Variants in SGSM1 observed in about 807,000 individuals in gnomAD.
SGSM1 encodes the protein small G protein signaling modulator 1.
SGSM1 carries 73 observed loss-of-function variants against 133.8 expected under a neutral mutation model. The observed-to-expected ratio is 0.55, with a 90% CI of 0.45 to 0.66. SGSM1 has a LOEUF of 0.66. Ranked by LOEUF, SGSM1 falls within the 30% of genes least tolerant of loss-of-function variation. SGSM1 has a pLI of 0.00. For synonymous variants in SGSM1, 563 were observed against 573.0 expected (o/e 0.98, Z 0.25); for missense variants, 1,213 against 1,448.1 (o/e 0.84, Z 2.64).
At chr22:24,876,795 C>T in intron 13 of SGSM1, 80 bp downstream of exon 13, 1 of 1,572,356 alleles carries the variant, frequency 6.4e-7, no homozygotes, top group Non-Finnish European at 8.7e-7. Context: ...TTACCCTGCA[C>T]TGAATTCAGA....
At chr22:24,825,175 G>T (rs138860260) in intron 2 of SGSM1, among the ~76,000 whole-genome samples, 12 of 152,180 alleles carry the variant, frequency 7.9e-5, no homozygotes, top group African/African-American at 2.4e-4. Context: ...CTGGCAGAAG[G>T]CACCATGTGA....
At chr22:24,913,126 C>G (rs1010466974) in intron 22 of SGSM1, among the ~76,000 whole-genome samples, 1 of 151,816 alleles carries the variant, frequency 6.6e-6, no homozygotes, top group East Asian at 1.9e-4. Flanking sequence ...CCCATCTCTA[C>G]TAAAAATACA....
chr22:24,822,389 G>A lies in SGSM1; in HGVS notation c.63+15905G>A, dbSNP rs528510788. Among the ~76,000 whole-genome samples the A allele has an allele frequency of 2.6e-5, 4 of 152,234 alleles. No homozygotes were observed. In the South Asian group the frequency reaches 6.2e-4, roughly 24 times the overall value. On this transcript the variant is annotated intron_variant, in intron 2 of 24. Coordinates refer to ENST00000400358, the MANE Select transcript of SGSM1 (RefSeq NM_001098497.3). ...TTACAGGCGTGAGCCACCGCGCCTG[G>A]TCTCATCTCTCTTTTCTTTCCAACC...
intron 12 of SGSM1, among the ~76,000 whole-genome samples, chr22:24,871,674 T>C (rs759540665): frequency 5.3e-5 from 8 of 152,174 alleles, no homozygotes; most frequent in Non-Finnish European, 1.0e-4. Context: ...ATTTGAACGC[T>C]GGGGGTCTGG....
intron 15 of SGSM1, among the ~76,000 whole-genome samples, chr22:24,885,819 C>G (rs9620452): frequency 0.066 from 9,965 of 151,746 alleles, 647 homozygotes; most frequent in African/African-American, 0.17. Flanking sequence ...CCCATTGATG[C>G]GCAGTTGGAG....
intron 14 of SGSM1, among the ~76,000 whole-genome samples, chr22:24,883,616 G>A (rs1033640689): frequency 6.6e-6 from 1 of 152,148 alleles, no homozygotes; most frequent in Non-Finnish European, 1.5e-5. Context: ...TTCCTTGTCT[G>A]GAAAAGGGGA....
rs760855002 is a variant in SGSM1 at position 24,924,202 on chromosome 22, C to T, written c.3210C>T (p.His1070=). The T allele has an allele frequency of 1.9e-6, 3 of 1,613,956 alleles. 1 individual carries two copies. In the South Asian group the frequency reaches 3.3e-5, roughly 18 times the overall value. Residue 1070 remains histidine, a synonymous_variant, in exon 25 of 25, where the codon CAC becomes CAT. Coordinates refer to ENST00000400358, the MANE Select transcript of SGSM1 (RefSeq NM_001098497.3). Reference sequence around the variant, plus strand: ...CTCTTTCAGAAATGGCTGAGCGACACAACACCAAGCAAGTCCTGAAGCTGG... The same window carrying T: ...CTCTTTCAGAAATGGCTGAGCGACATAACACCAAGCAAGTCCTGAAGCTGG... ...IKFFNEMAER[H]NTKQVLKLAR... is the part of the protein sequence containing the mutation.
chr22:24,810,335 A>C lies in SGSM1; in HGVS notation c.63+3851A>C, dbSNP rs533754038. On this transcript the variant is annotated intron_variant, in intron 2 of 24. Transcript: ENST00000400358. ...CGTTAGCCTGAGCTCCTCCAGGGCA[A>C]GCATCCTTTTTTTTTTTCCCTCTGT... Among the ~76,000 whole-genome samples, 7 of 151,790 alleles carry C rather than the reference A, an allele frequency of 4.6e-5. No homozygotes were observed. The South Asian group carries it at 1.0e-3, about 23-fold the overall frequency.
intron 5 of SGSM1, among the ~76,000 whole-genome samples, chr22:24,851,100 CAAAAAA>C (rs68153757): frequency 1.0e-5 from 1 of 95,780 alleles, no homozygotes; most frequent in African/African-American, 3.2e-5. Context: ...GACTCCATCT[CAAAAAA>C]AAAAAAAAAA....
rs1021352114 is a variant in SGSM1 at position 24,906,950 on chromosome 22, C to G, written c.2818+1763C>G. ...TGGGCAACAGAGTGAGACTCCATCT[C>G]AAAAAGTAAAATAAAAAATAAATAA... is the stretch of plus-strand genomic sequence containing the variant. On this transcript the variant is annotated intron_variant, in intron 21 of 24. Coordinates refer to ENST00000400358, the MANE Select transcript of SGSM1 (RefSeq NM_001098497.3). Among the ~76,000 whole-genome samples the G allele has an allele frequency of 2.0e-5, 3 of 147,602 alleles. No homozygotes were observed. The Admixed American group carries it at 2.1e-4, about 10-fold the overall frequency.
intron 10 of SGSM1, among the ~76,000 whole-genome samples, chr22:24,867,951 A>G (rs1002729113): frequency 6.6e-6 from 1 of 152,244 alleles, no homozygotes; most frequent in Non-Finnish European, 1.5e-5. Flanking sequence ...CAGTGCCTCT[A>G]ACATGCTGCG....
chr22:24,903,540 A>G (rs1186301673), intron 20 of SGSM1, among the ~76,000 whole-genome samples: 2 of 152,286 alleles, frequency 1.3e-5, no homozygotes, highest in East Asian at 3.9e-4. Flanking sequence ...GTTTTAAACT[A>G]TGATATAGTC....
chr22:24,899,501 T>A (rs1011727099), intron 19 of SGSM1, among the ~76,000 whole-genome samples: 7 of 148,042 alleles, frequency 4.7e-5, no homozygotes, highest in Non-Finnish European at 8.9e-5. Context: ...GGCTTCCACA[T>A]TTTTTGCTTT....
intron 9 of SGSM1, among the ~76,000 whole-genome samples, chr22:24,865,919 G>A (rs139713): frequency 0.19 from 29,259 of 152,122 alleles, 3,058 homozygotes; most frequent in African/African-American, 0.27. Flanking sequence ...CTAGTACCCC[G>A]GCCTGCTAGG....
intron 2 of SGSM1, among the ~76,000 whole-genome samples, chr22:24,839,853 T>C (rs1929681396): frequency 6.6e-6 from 1 of 152,086 alleles, no homozygotes; most frequent in Non-Finnish European, 1.5e-5. Flanking sequence ...CTGATTTTAA[T>C]TTTGAGAATT....
intron 2 of SGSM1, among the ~76,000 whole-genome samples, chr22:24,817,728 G>C (rs1057301653): frequency 4.6e-5 from 7 of 152,284 alleles, no homozygotes; most frequent in Non-Finnish European, 1.0e-4. Context: ...GCATCACCCT[G>C]TGTCTTGTTT....
At chr22:24,916,709 A>C (rs986398315) in intron 22 of SGSM1, among the ~76,000 whole-genome samples, 1 of 151,812 alleles carries the variant, frequency 6.6e-6, no homozygotes. Context: ...AAAAAAAAAA[A>C]TTTGTTTTTA....
chr22:24,881,354 C>G (rs1225954014), intron 14 of SGSM1, among the ~76,000 whole-genome samples: 1 of 146,584 alleles, frequency 6.8e-6, no homozygotes. Context: ...ATCACGAGGT[C>G]AGGAGATTGA....
intron 2 of SGSM1, among the ~76,000 whole-genome samples, chr22:24,837,828 T>C (rs1929552528): frequency 2.0e-5 from 3 of 152,226 alleles, no homozygotes; most frequent in Admixed American, 6.5e-5. Flanking sequence ...AGGCTATGAT[T>C]ATAGAGTGAG....
Sources: gnomAD v4.1 joint callset for allele counts (sites outside exome capture counted in the v4.1 genomes callset) on GRCh38, gnomAD v4.1.1 for gene constraint, MANE v1.5 for transcripts, NCBI Gene and HGNC (gene_info 2026-07-23, HGNC 2026-07-21) for gene names.